The following PCDH15 variants were observed in gnomAD, a reference collection of about 807,000 sequenced individuals.
PCDH15 encodes the protein protocadherin related 15.
In PCDH15, 129 loss-of-function variants were observed where a neutral mutation model predicts 178.5. The ratio of observed to expected loss-of-function variants is 0.72; its 90% CI spans 0.63 to 0.84. The LOEUF (loss-of-function observed/expected upper bound fraction) is 0.84, where lower values mean the gene tolerates loss of function less well. Among genes scored for constraint, PCDH15 ranks in the 40% least tolerant of loss-of-function variants. PCDH15 has a pLI of 0.00. For missense variants in PCDH15, 2,230 were observed against 2,099.9 expected, an observed-to-expected ratio of 1.06 and a Z score of -1.21; for synonymous variants, 800 against 732.0, an observed-to-expected ratio of 1.09 and a Z score of -1.50.
chr10:53,970,137 T>C (rs556745234), intron 21 of PCDH15, among the ~76,000 whole-genome samples: 2 of 151,934 alleles, frequency 1.3e-5, no homozygotes, highest in South Asian at 2.1e-4. Flanking sequence ...GCGATACACA[T>C]AGGCTCAAAA....
At chr10:54,338,694 G>A (rs1444221983) in intron 6 of PCDH15, among the ~76,000 whole-genome samples, 17 of 152,068 alleles carry the variant, frequency 1.1e-4, no homozygotes, top group African/African-American at 4.1e-4. Flanking sequence ...TATGCATATT[G>A]CTTAAGTGTC....
chr10:53,901,501 C>T (rs1421887669), intron 26 of PCDH15, among the ~76,000 whole-genome samples: 1 of 152,140 alleles, frequency 6.6e-6, no homozygotes. Flanking sequence ...ACTCGTCATG[C>T]ATTAAACTCT....
chr10:55,372,487 G>A (rs1845530003), intron 2 of PCDH15, among the ~76,000 whole-genome samples: 1 of 152,100 alleles, frequency 6.6e-6, no homozygotes, highest in South Asian at 2.1e-4. Context: ...ACCCAGTTAG[G>A]TCAGTAATAT....
intron 3 of PCDH15, among the ~76,000 whole-genome samples, chr10:54,418,067 GC>G (rs1464441988): frequency 6.6e-6 from 1 of 151,760 alleles, no homozygotes; most frequent in Non-Finnish European, 1.5e-5. Context: ...CAGCCACTGT[GC>G]CCAGCCACAA....
intron 2 of PCDH15, among the ~76,000 whole-genome samples, chr10:54,660,404 G>A (rs2094472254): frequency 1.3e-5 from 2 of 151,948 alleles, no homozygotes; most frequent in Non-Finnish European, 2.9e-5. Flanking sequence ...AACCAGCCAA[G>A]ATTGAACCAG....
chr10:54,650,512 T>C (rs1470615303), intron 2 of PCDH15, among the ~76,000 whole-genome samples: 1 of 152,192 alleles, frequency 6.6e-6, no homozygotes, highest in Admixed American at 6.5e-5. Flanking sequence ...TAGTGACTGA[T>C]GCTTACACAT....
intron 2 of PCDH15, among the ~76,000 whole-genome samples, chr10:55,156,380 G>A (rs2132107382): frequency 6.6e-6 from 1 of 152,250 alleles, no homozygotes; most frequent in East Asian, 1.9e-4. Context: ...TATAGGTAAA[G>A]CAACTGTGGC....
chr10:54,607,162 A>G (rs2092779924), intron 2 of PCDH15, among the ~76,000 whole-genome samples: 1 of 152,118 alleles, frequency 6.6e-6, no homozygotes, highest in Admixed American at 6.6e-5. Context: ...ATTATTTGTG[A>G]AAATGAGTTG....
chr10:55,302,693 A>C (rs1440506273), intron 1 of PCDH15, among the ~76,000 whole-genome samples: 1 of 152,176 alleles, frequency 6.6e-6, no homozygotes, highest in Non-Finnish European at 1.5e-5. Context: ...TCAAAGCAAT[A>C]TCCAGACTAG....
chr10:55,145,914 C>T (rs2799607), intron 2 of PCDH15, among the ~76,000 whole-genome samples: 137,053 of 151,902 alleles, frequency 0.9, 62,502 homozygotes, highest in Non-Finnish European at 0.97. Context: ...GAAAAATAGA[C>T]AGATGTAAAC....
intron 6 of PCDH15, among the ~76,000 whole-genome samples, chr10:54,334,346 G>A (rs1462894095): frequency 1.3e-5 from 2 of 152,150 alleles, no homozygotes; most frequent in African/African-American, 4.8e-5. Flanking sequence ...CAATAATGGA[G>A]AGAGAAGGAA....
intron 1 of PCDH15, among the ~76,000 whole-genome samples, chr10:54,781,548 G>GA (rs1950362554): frequency 1.3e-5 from 2 of 152,060 alleles, no homozygotes; most frequent in Non-Finnish European, 2.9e-5. Flanking sequence ...TACAACTGAT[G>GA]AAAAGCTAGT....
chr10:54,077,761 T>C (rs1485676841), intron 17 of PCDH15, among the ~76,000 whole-genome samples: 2 of 152,112 alleles, frequency 1.3e-5, no homozygotes. Context: ...AACACAGACA[T>C]ACTGTAATAA....
intron 8 of PCDH15, among the ~76,000 whole-genome samples, chr10:54,254,126 C>T (rs781651852): frequency 1.3e-5 from 2 of 152,002 alleles, no homozygotes; most frequent in Non-Finnish European, 2.9e-5. Context: ...ATACCATAAA[C>T]TCTATCTGTT....
chr10:55,433,846 T>C (rs754836302), intron 2 of PCDH15, among the ~76,000 whole-genome samples: 8 of 152,102 alleles, frequency 5.3e-5, no homozygotes, highest in Non-Finnish European at 1.2e-4. Context: ...TTTGCTCATA[T>C]GTACAACCCC....
At chr10:54,779,648 G>A (rs17508733) in intron 1 of PCDH15, among the ~76,000 whole-genome samples, 16,311 of 150,870 alleles carry the variant, frequency 0.11, 1,155 homozygotes, top group Middle Eastern at 0.17. Context: ...TAGCCAAAAT[G>A]TGAACACAGC....
intron 9 of PCDH15, among the ~76,000 whole-genome samples, chr10:54,223,562 T>TTTTTTTTTTTTTTTGAGACGGAGTCTC (rs1554845758): frequency 2.1e-5 from 3 of 146,188 alleles, no homozygotes; most frequent in Non-Finnish European, 3.0e-5. Flanking sequence ...ATATTATTTT[T>TTTTTTTTTTTTTTTGAGACGGAGTCTC]GAAGTGTTTA....
chr10:55,576,737 A>AAC (rs1357552987), intron 2 of PCDH15, among the ~76,000 whole-genome samples: 1 of 152,136 alleles, frequency 6.6e-6, no homozygotes, highest in African/African-American at 2.4e-5. Flanking sequence ...TATCTAAAAA[A>AAC]AAAATGCCTA....
At chr10:54,143,127 T>C (rs1035806982) in intron 14 of PCDH15, among the ~76,000 whole-genome samples, 8 of 152,106 alleles carry the variant, frequency 5.3e-5, no homozygotes, top group Admixed American at 5.2e-4. Flanking sequence ...TTAGGCTTAG[T>C]TGTTATGTTA....
Sources: gnomAD v4.1 joint callset for allele counts (sites outside exome capture counted in the v4.1 genomes callset) on GRCh38, gnomAD v4.1.1 for gene constraint, MANE v1.5 for transcripts, NCBI Gene and HGNC (gene_info 2026-07-23, HGNC 2026-07-21) for gene names.